The following MTMR3 variants were observed in gnomAD, a reference collection of about 807,000 sequenced individuals.
MTMR3 encodes myotubularin related protein 3, also known as phosphatidylinositol-3,5-bisphosphate 3-phosphatase MTMR3.
In MTMR3, 32 loss-of-function variants were observed where a neutral mutation model predicts 132.4. The ratio of observed to expected loss-of-function variants is 0.24; its 90% CI spans 0.18 to 0.32. The LOEUF is 0.32. Among genes scored for constraint, MTMR3 ranks in the 10% least tolerant of loss-of-function variants. The pLI, the probability that MTMR3 is intolerant of heterozygous loss-of-function variation, is 1.00. For missense variants in MTMR3, 1,216 were observed against 1,489.6 expected (o/e 0.82, Z 3.02); for synonymous variants, 556 against 550.3 (o/e 1.01, Z -0.14).
intron 1 of MTMR3, among the ~76,000 whole-genome samples, chr22:29,922,993 GC>G (rs1356413357): frequency 6.7e-6 from 1 of 149,234 alleles, no homozygotes; most frequent in Non-Finnish European, 1.5e-5. Flanking sequence ...TCCCACCTTA[GC>G]CTCCAGAGTG....
At chr22:30,012,803 A>G (rs901447521) in intron 13 of MTMR3, 3 of 390,522 alleles carry the variant, frequency 7.7e-6, no homozygotes, top group African/African-American at 4.1e-5. Flanking sequence ...TTTCCTTTAC[A>G]GTCTATCTAC....
At chr22:30,011,667 A>G (rs2067429666) in intron 12 of MTMR3, 1 of 152,294 alleles carries the variant, frequency 6.6e-6, no homozygotes, top group South Asian at 2.1e-4. Context: ...CCGGCCTCTA[A>G]AAGTCTTTCA....
At chr22:29,928,704 G>A (rs2065577539) in intron 1 of MTMR3, among the ~76,000 whole-genome samples, 1 of 151,992 alleles carries the variant, frequency 6.6e-6, no homozygotes, top group South Asian at 2.1e-4. Context: ...AAATAGAGAC[G>A]AAGTCTCGGC....
intron 1 of MTMR3, among the ~76,000 whole-genome samples, chr22:29,938,948 A>G (rs937901249): frequency 1.1e-4 from 16 of 152,060 alleles, no homozygotes; most frequent in Admixed American, 1.0e-3. Context: ...CAGCCTCCTG[A>G]GTAGCTGGGA....
intron 7 of MTMR3, chr22:29,991,871 G>A (rs138716119): frequency 4.3e-5 from 20 of 468,218 alleles, no homozygotes; most frequent in Non-Finnish European, 6.9e-5. Context: ...ACACTAGAAG[G>A]CATCACAATC....
intron 19 of MTMR3, chr22:30,024,679 G>C (rs368931820): frequency 6.6e-6 from 1 of 152,368 alleles, no homozygotes; most frequent in East Asian, 1.9e-4. Context: ...TTGGTGGGCT[G>C]TGTCAGGCTC....
intron 3 of MTMR3, among the ~76,000 whole-genome samples, chr22:29,975,849 G>A (rs1217634529): frequency 6.6e-6 from 1 of 152,198 alleles, no homozygotes; most frequent in African/African-American, 2.4e-5. Context: ...CAAGCGATCT[G>A]CCCACTGTAG....
chr22:29,979,233 C>T (rs2066690676), intron 5 of MTMR3, 181 bp downstream of exon 5: 2 of 456,910 alleles, frequency 4.4e-6, no homozygotes, highest in South Asian at 2.2e-5. Flanking sequence ...TGGCTCACGC[C>T]TGTAATCCCA....
intron 2 of MTMR3, among the ~76,000 whole-genome samples, chr22:29,968,382 C>T (rs2066470913): frequency 6.6e-6 from 1 of 152,144 alleles, no homozygotes; most frequent in African/African-American, 2.4e-5. Flanking sequence ...AAATTTTATT[C>T]TAAAACACAA....
intron 5 of MTMR3, chr22:29,987,027 C>T (rs576608962): frequency 6.6e-6 from 1 of 152,356 alleles, no homozygotes; most frequent in African/African-American, 2.4e-5. Context: ...AGGCGTGAGC[C>T]ACCGTATCCG....
intron 11 of MTMR3, 28 bp from the exon 12 acceptor site, chr22:30,008,990 G>A (rs1385903322): frequency 4.7e-6 from 7 of 1,497,254 alleles, no homozygotes; most frequent in Non-Finnish European, 6.5e-6. Flanking sequence ...CAACGTATTT[G>A]TGTTCTCTTT....
chr22:30,010,650 A>G (rs2067395103), intron 12 of MTMR3: 1 of 152,242 alleles, frequency 6.6e-6, no homozygotes, highest in Non-Finnish European at 1.5e-5. Flanking sequence ...GTCACAGACA[A>G]CACCAACTGG....
chr22:29,957,000 T>G (rs956868156), intron 1 of MTMR3, 36 bp from the exon 2 acceptor site: 1 of 152,310 alleles, frequency 6.6e-6, no homozygotes, highest in African/African-American at 2.4e-5. Flanking sequence ...TCTTAGGATA[T>G]TTGTCATTAT....
intron 17 of MTMR3, chr22:30,021,662 C>T (rs996304973): frequency 1.4e-5 from 3 of 208,558 alleles, no homozygotes; most frequent in Non-Finnish European, 2.9e-5. Context: ...AGGAGGGCAT[C>T]CCGAAAGCAC....
intron 1 of MTMR3, among the ~76,000 whole-genome samples, chr22:29,894,811 A>G (rs531503448): frequency 1.3e-5 from 2 of 152,218 alleles, no homozygotes; most frequent in South Asian, 4.1e-4. Flanking sequence ...AGTTTACTGC[A>G]CACTTGTAGT....
In MTMR3 at chr22:29,912,897, C is replaced by T. The variant is rs1193331739; in HGVS notation, c.-138+29538C>T. ...GCTGGCTTGCCTATGTAAATTGAAA[C>T]TTCCTTTAATACTTAACTGTGAGTT... On this transcript the variant is annotated intron_variant, in intron 1 of 19. Coordinates refer to ENST00000401950, the MANE Select transcript of MTMR3 (RefSeq NM_021090.4). 2.0e-5 allele frequency among the ~76,000 whole-genome samples: 3 copies of T among 152,152 alleles called. No individual in the cohort carries two copies. In the East Asian group the frequency reaches 5.8e-4, roughly 29 times the overall value.
chr22:29,996,233 C>T (rs780878649), intron 7 of MTMR3: 17 of 152,210 alleles, frequency 1.1e-4, no homozygotes, highest in Non-Finnish European at 2.4e-4. Flanking sequence ...TATGAAGTCA[C>T]TGCCTTAGAG....
chr22:29,987,780 C>G (rs73398662), intron 5 of MTMR3: 4,950 of 152,326 alleles, frequency 0.032, 281 homozygotes, highest in African/African-American at 0.11. Flanking sequence ...AAACCTCAAG[C>G]CCCATTTGGC....
chr22:29,991,481 A>G (rs200204591), intron 6 of MTMR3, 23 bp from the exon 7 acceptor site: 755 of 1,595,974 alleles, frequency 4.7e-4, no homozygotes, highest in Non-Finnish European at 6.2e-4. Flanking sequence ...GATTACATCC[A>G]TACTTGTTTG....
Sources: allele counts gnomAD v4.1 joint callset (sites outside exome capture counted in the v4.1 genomes callset), GRCh38; gene constraint gnomAD v4.1.1; transcripts MANE v1.5; gene names NCBI Gene and HGNC (gene_info 2026-07-23, HGNC 2026-07-21).